Variants in STAC2 observed in about 807,000 individuals in gnomAD.
STAC2 encodes the protein SH3 and cysteine-rich domain-containing protein 2.
Under a neutral mutation model 49.0 loss-of-function variants are expected in STAC2, and 36 were observed. That is an observed-to-expected ratio of 0.74 (90% CI 0.56 to 0.97). The LOEUF (loss-of-function observed/expected upper bound fraction) is 0.97, where lower values mean the gene tolerates loss of function less well. Ranked by LOEUF, STAC2 falls within the 50% of genes least tolerant of loss-of-function variation. The pLI is 0.00. For missense variants in STAC2, 527 were observed against 543.8 expected (o/e 0.97, Z 0.31); for synonymous variants, 239 against 214.7 (o/e 1.11, Z -0.99).
intron 1 of STAC2, among the ~76,000 whole-genome samples, chr17:39,223,761 G>A (rs1294671969): frequency 6.6e-6 from 1 of 152,222 alleles, no homozygotes; most frequent in East Asian, 1.9e-4. Context: ...CAAGCAGGGG[G>A]ACTGTGTATG....
At position 39,212,820 on chromosome 17, in the gene STAC2, T is replaced by C. The variant is rs939979237; in HGVS notation, c.1131+175A>G. ...TGTCTCTGTTGGTCACCAGCCCAAA[T>C]TCCCCAGCAGGGGCTGGTAGGAGGG... On this transcript the variant is annotated intron_variant, in intron 10 of 10. Transcript: ENST00000333461. Among the ~76,000 whole-genome samples the C allele has an allele frequency of 3.3e-5, 5 of 152,202 alleles. No homozygotes were observed. In the East Asian group the frequency reaches 9.6e-4, roughly 29 times the overall value.
chr17:39,222,346 G>A (rs2046471214), intron 1 of STAC2, among the ~76,000 whole-genome samples: 1 of 152,216 alleles, frequency 6.6e-6, no homozygotes, highest in African/African-American at 2.4e-5. Context: ...GACTCTGCCG[G>A]CCGACTCCCT....
chr17:39,216,262 A>G (rs796618485), intron 4 of STAC2, among the ~76,000 whole-genome samples: 17 of 151,776 alleles, frequency 1.1e-4, no homozygotes, highest in Middle Eastern at 3.5e-3. Flanking sequence ...GATTACAGGT[A>G]TGAGCCACCA....
chr17:39,213,684 T>TC (rs2046375341), intron 8 of STAC2, 126 bp from the exon 9 acceptor site: 1 of 914,350 alleles, frequency 1.1e-6, no homozygotes, highest in East Asian at 2.7e-5. Context: ...TTTTTTTTTT[T>TC]TTTTTTTTTT....
chr17:39,214,233 T>C lies in STAC2; in HGVS notation c.941A>G (p.Gln314Arg), dbSNP rs774096358. 1.2e-6 allele frequency: 2 copies of C among 1,613,752 alleles called. No homozygotes were observed. Among genetic ancestry groups the C allele is most frequent in the Non-Finnish European group, 1.7e-6 (2 of 1,179,856 alleles). The change falls in exon 8 of 11, where the codon CAG becomes CGG. Residue 314 changes from glutamine to arginine, a missense_variant and splice_region_variant. Gln to Arg is a conservative substitution (Grantham distance 43). Transcript: ENST00000333461. ...GGGCCAGGTCACAAAGAGGACTTAC[T>C]GCAGAGCCAGATCATTGTTCTCCTG... ...LPQENNDLAL[Q>R]PGDRIMLVDD...
Position 39,214,473 on chromosome 17 carries a change from G to A in STAC2, c.844-143C>T, listed in dbSNP as rs139526316. 1.5e-3 allele frequency: 2,233 copies of A among 1,476,820 alleles called. 29 individuals carry two copies. In the African/African-American group the frequency reaches 0.029, roughly 19 times the overall value. The allele number at this position is 1,476,820 out of a possible 1,614,324, so 91.5% of individuals were successfully genotyped here. A position where few individuals can be genotyped will look rare whatever the true frequency, so the allele number is the denominator to read the frequency against. On this transcript the variant is annotated intron_variant, in intron 7 of 10. Transcript: ENST00000333461. ...AACGGCAGGGAGAAGTGAGACCCTC[G>A]TACATGCTATGCTCACCCACCCCAA...
intron 1 of STAC2, among the ~76,000 whole-genome samples, chr17:39,220,426 C>T (rs1377748572): frequency 1.3e-5 from 2 of 152,116 alleles, no homozygotes; most frequent in African/African-American, 4.8e-5. Flanking sequence ...CAAATCACCC[C>T]ACTTCTTCTC....
Position 39,217,303 on chromosome 17 carries a change from C to T in STAC2, c.398-130G>A, listed in dbSNP as rs965854842. On this transcript the variant is annotated intron_variant, in intron 2 of 10. Coordinates refer to ENST00000333461, the MANE Select transcript of STAC2 (RefSeq NM_198993.5). ...CAGCCTTGAGGCCCAGCACCTACCC[C>T]TCACACAGTCAGGGTATGAGGGAGC... 1.9e-5 allele frequency: 15 copies of T among 808,958 alleles called. No homozygotes were observed. The Admixed American group carries it at 2.3e-4, about 13-fold the overall frequency. 50.1% of individuals were successfully genotyped at this position (808,958 alleles called of 1,614,324 possible).
At chr17:39,213,469 C>T in intron 9 of STAC2, 38 bp downstream of exon 9, 1 of 1,612,542 alleles carries the variant, frequency 6.2e-7, no homozygotes, top group African/African-American at 1.3e-5. Flanking sequence ...GCTGGGGTGC[C>T]TACCAGTGTC....
chr17:39,222,216 T>C (rs1567835263), intron 1 of STAC2, among the ~76,000 whole-genome samples: 1 of 152,064 alleles, frequency 6.6e-6, no homozygotes, highest in African/African-American at 2.4e-5. Flanking sequence ...AGGTTCCAAG[T>C]CTCCCTACCC....
At chr17:39,214,745 C>G in intron 7 of STAC2, 46 bp downstream of exon 7, 2 of 1,602,538 alleles carry the variant, frequency 1.2e-6, no homozygotes, top group East Asian at 4.5e-5. Flanking sequence ...GAAATTACAC[C>G]CGCTTCCCAC....
intron 7 of STAC2, 30 bp downstream of exon 7, chr17:39,214,761 C>A (rs1177663898): frequency 6.2e-7 from 1 of 1,611,588 alleles, no homozygotes; most frequent in South Asian, 1.1e-5. Context: ...CCCACCCTGA[C>A]CTTCCGGGCC....
At chr17:39,222,063 G>A (rs1010386388) in intron 1 of STAC2, among the ~76,000 whole-genome samples, 14 of 152,188 alleles carry the variant, frequency 9.2e-5, no homozygotes, top group African/African-American at 9.6e-5. Flanking sequence ...TGGGATTTTC[G>A]CCTATCAGCC....
intron 1 of STAC2, among the ~76,000 whole-genome samples, chr17:39,218,740 TAC>T (rs1354162182): frequency 1.4e-5 from 2 of 145,706 alleles, no homozygotes; most frequent in African/African-American, 5.6e-5. Context: ...GTGTACCATT[TAC>T]TCAAGTTTAG....
intron 1 of STAC2, among the ~76,000 whole-genome samples, chr17:39,223,187 C>T (rs1202097314): frequency 1.3e-5 from 2 of 152,216 alleles, no homozygotes; most frequent in Non-Finnish European, 2.9e-5. Context: ...TCTGTTGTAC[C>T]TGCCTCACAC....
At chr17:39,218,986 A>G (rs769350312) in intron 1 of STAC2, among the ~76,000 whole-genome samples, 1 of 151,572 alleles carries the variant, frequency 6.6e-6, no homozygotes, top group Non-Finnish European at 1.5e-5. Context: ...CCTCCCTCCC[A>G]TTGACTCGTC....
rs1337957038 is a variant in STAC2 at position 39,225,731 on chromosome 17, GC to G, written c.-230del. 3 of 574,058 alleles carry G rather than the reference GC, an allele frequency of 5.2e-6. No individual in the cohort carries two copies. Among genetic ancestry groups the G allele is most frequent in the Non-Finnish European group, 9.2e-6 (3 of 324,506 alleles). 35.6% of individuals were successfully genotyped at this position (574,058 alleles called of 1,614,324 possible). On this transcript the variant is annotated 5_prime_UTR_variant, in exon 1 of 11. The change creates a premature stop within an existing upstream ORF in the 5' untranslated region. Coordinates refer to ENST00000333461, the MANE Select transcript of STAC2 (RefSeq NM_198993.5). The surrounding 1 kb of genome is among the most constrained non-coding windows in gnomAD (Gnocchi z 8.2). The stretch of plus-strand genomic sequence containing the variant: ...AGCCGCAGGAGCGGGACGACCCCGG[GC>G]GCGAGGACCGAGGGTCTGCAGAGGA...
intron 1 of STAC2, among the ~76,000 whole-genome samples, chr17:39,224,285 G>C (rs901121483): frequency 1.3e-5 from 2 of 152,210 alleles, no homozygotes; most frequent in Admixed American, 1.3e-4. Context: ...TTTCGCCTCT[G>C]GAGAACAGGA....
intron 4 of STAC2, among the ~76,000 whole-genome samples, chr17:39,215,575 G>C (rs981063486): frequency 1.3e-5 from 2 of 152,154 alleles, no homozygotes; most frequent in Admixed American, 1.3e-4. Flanking sequence ...TGGTCTCCCT[G>C]CTTCCACTCT....
Sources: allele counts gnomAD v4.1 joint callset (sites outside exome capture counted in the v4.1 genomes callset), GRCh38; gene constraint gnomAD v4.1.1; non-coding constraint Gnocchi (gnomAD v3.1); transcripts MANE v1.5; gene names NCBI Gene and HGNC (gene_info 2026-07-23, HGNC 2026-07-21).